The following UBN1 variants were observed in gnomAD, a reference collection of about 807,000 sequenced individuals.
UBN1 encodes the protein ubinuclein-1.
A neutral mutation model predicts 108.5 loss-of-function variants in UBN1; 17 were observed. That is an observed-to-expected ratio of 0.16 (90% confidence interval 0.11 to 0.24). The LOEUF is 0.24. Ranked by LOEUF, UBN1 falls within the 10% of genes least tolerant of loss-of-function variation. The pLI is 1.00. For synonymous variants in UBN1, 726 were observed against 564.2 expected (o/e 1.29, Z -4.07); for missense variants, 1,595 against 1,394.4 (o/e 1.14, Z -2.29).
Position 4,875,308 on chromosome 16 carries a change from G to T in UBN1, c.2898G>T (p.Leu966=). The T allele has an allele frequency of 6.2e-7, 1 of 1,614,218 alleles. No homozygotes were observed. The highest frequency in any genetic ancestry group is 8.5e-7 in the Non-Finnish European group (1 of 1,180,042). The part of the protein sequence containing the change: ...KKMPVSQKLT[L]VAPPGGPNGD... ...TGCCTGTTTCCCAGAAGTTGACTCT[G>T]GTAGCCCCTCCAGGCGGTCCAAACG... Residue 966 remains leucine (L), a synonymous_variant, in exon 15 of 18, where the codon CTG becomes CTT. Transcript: ENST00000262376.
chr16:4,874,112 A>T (rs1459151828), intron 14 of UBN1, 99 bp from the exon 15 acceptor site: 1 of 1,433,034 alleles, frequency 7.0e-7, no homozygotes, highest in African/African-American at 1.4e-5. Context: ...AGGAAGGCCC[A>T]GTTTTTTTGA....
chr16:4,856,005 C>G (rs902375190), intron 2 of UBN1, among the ~76,000 whole-genome samples: 2 of 152,220 alleles, frequency 1.3e-5, no homozygotes, highest in Non-Finnish European at 2.9e-5. Context: ...GCCTGTGAGT[C>G]TGTACCAAGG....
intron 7 of UBN1, among the ~76,000 whole-genome samples, chr16:4,867,665 C>A (rs751051774): frequency 5.3e-5 from 8 of 151,984 alleles, no homozygotes; most frequent in Non-Finnish European, 1.0e-4. Flanking sequence ...TAGTGAGAAT[C>A]CTGGGGTCCG....
chr16:4,874,112 A>C (rs1459151828), intron 14 of UBN1, 99 bp from the exon 15 acceptor site: 7 of 1,433,034 alleles, frequency 4.9e-6, no homozygotes, highest in Non-Finnish European at 5.6e-6. Flanking sequence ...AGGAAGGCCC[A>C]GTTTTTTTGA....
intron 7 of UBN1, among the ~76,000 whole-genome samples, chr16:4,866,034 G>C (rs927330542): frequency 1.3e-5 from 2 of 152,148 alleles, no homozygotes; most frequent in South Asian, 2.1e-4. Context: ...CTGTAGATGG[G>C]TCTGAAAGTG....
intron 12 of UBN1, chr16:4,872,450 GT>G (rs1596519393): frequency 4.4e-5 from 14 of 314,742 alleles, no homozygotes; most frequent in East Asian, 3.7e-4. Context: ...CTTTTTTTTT[GT>G]GTGTGTGGGG....
rs532362032 is a variant in UBN1, at chr16:4,859,392, G to A, written c.567+233G>A. Among the ~76,000 whole-genome samples, 12 of 152,332 alleles carry A rather than the reference G, an allele frequency of 7.9e-5. No individual in the cohort carries two copies. The South Asian group carries it at 2.5e-3, about 32-fold the overall frequency. On this transcript the variant is annotated intron_variant, in intron 5 of 17. Transcript: ENST00000262376. ...TATGTCCATGTCACATGACATCCCAGCAGGCTCAGCAGGGGTCGTTTCTGG... is the reference window on the plus strand; with the variant it reads ...TATGTCCATGTCACATGACATCCCAACAGGCTCAGCAGGGGTCGTTTCTGG...
At chr16:4,869,187 C>T (rs1567932212) in intron 8 of UBN1, among the ~76,000 whole-genome samples, 1 of 152,188 alleles carries the variant, frequency 6.6e-6, no homozygotes, top group Non-Finnish European at 1.5e-5. Flanking sequence ...AAGAGGATTT[C>T]TTGGCAGGTA....
At chr16:4,864,194 C>G (rs1167752711) in intron 7 of UBN1, among the ~76,000 whole-genome samples, 1 of 143,302 alleles carries the variant, frequency 7.0e-6, no homozygotes, top group Non-Finnish European at 1.5e-5. Context: ...TCAAGTGATT[C>G]TTGTGCCTCA....
intron 2 of UBN1, among the ~76,000 whole-genome samples, chr16:4,855,071 C>T (rs945624018): frequency 3.9e-5 from 6 of 152,114 alleles, no homozygotes; most frequent in Non-Finnish European, 5.9e-5. Flanking sequence ...CTGTGCTAGG[C>T]TCTGAGGAAA....
In UBN1 at chr16:4,875,028, A is replaced by C. The variant is rs888495349; in HGVS notation, c.2618A>C (p.His873Pro). 1 of 1,613,878 alleles carries C rather than the reference A, an allele frequency of 6.2e-7. No individual in the cohort carries two copies. Among genetic ancestry groups the C allele is most frequent in the African/African-American group, 1.3e-5 (1 of 74,924 alleles). ...GGLSASSSSS[H>P]KTPASSSSAL... is the part of the protein sequence containing the mutation. ...CTGTCAGCCTCCAGCAGCAGCTCTCACAAGACCCCAGCCTCGTCCTCTTCT... is the reference window on the plus strand; with the variant it reads ...CTGTCAGCCTCCAGCAGCAGCTCTCCCAAGACCCCAGCCTCGTCCTCTTCT... The change falls in exon 15 of 18, where the codon CAC (histidine) becomes CCC (proline). Residue 873 changes from histidine to proline, a missense_variant. This residue lies in a region of UBN1 where 1,398 missense variants were observed against 1,194.7 expected (regional missense o/e 1.17). Transcript: ENST00000262376.
chr16:4,858,974 T>G, intron 4 of UBN1, 51 bp from the exon 5 acceptor site: 1 of 1,600,362 alleles, frequency 6.2e-7, no homozygotes, highest in East Asian at 2.2e-5. Flanking sequence ...CTTTGCACCT[T>G]CGGACTGCAG....
In UBN1 at chr16:4,852,869, A is replaced by C; in HGVS notation, c.-39-10A>C. On this transcript the variant is annotated splice_polypyrimidine_tract_variant and intron_variant, in intron 1 of 17. Transcript: ENST00000262376. ...TCGTTTGACCTGGCCCTTCTTTTCAATGTTAACAGAAGCCATGCAGTGACA... is the reference window on the plus strand; with the variant it reads ...TCGTTTGACCTGGCCCTTCTTTTCACTGTTAACAGAAGCCATGCAGTGACA... 1 of 1,561,702 alleles carries C rather than the reference A, an allele frequency of 6.4e-7. No homozygotes were observed. The highest frequency in any genetic ancestry group is 1.2e-5 in the South Asian group (1 of 84,068).
At chr16:4,855,633 G>A (rs900364751) in intron 2 of UBN1, among the ~76,000 whole-genome samples, 8 of 147,650 alleles carry the variant, frequency 5.4e-5, no homozygotes, top group Admixed American at 4.8e-4. Context: ...AAAAAAGGCT[G>A]GAAGGCCTGG....
chr16:4,856,394 G>T (rs549297245), intron 2 of UBN1, among the ~76,000 whole-genome samples: 61 of 152,324 alleles, frequency 4.0e-4, no homozygotes, highest in African/African-American at 1.2e-3. Flanking sequence ...TTGTGCAGCA[G>T]TTCTTTTAGT....
intron 8 of UBN1, among the ~76,000 whole-genome samples, chr16:4,869,763 T>C (rs2087523258): frequency 6.6e-6 from 1 of 152,142 alleles, no homozygotes; most frequent in Admixed American, 6.5e-5. Context: ...ATTTTTTTGC[T>C]TATCTAGATG....
chr16:4,851,988 A>G (rs962397840), intron 1 of UBN1, among the ~76,000 whole-genome samples: 6 of 152,250 alleles, frequency 3.9e-5, no homozygotes, highest in African/African-American at 1.4e-4. Context: ...TTACAAGTCA[A>G]TAAGAAAGTC....
At chr16:4,868,764 C>T in intron 7 of UBN1, 69 bp from the exon 8 acceptor site, 1 of 1,503,172 alleles carries the variant, frequency 6.7e-7, no homozygotes, top group Non-Finnish European at 9.2e-7. Context: ...GACTCCTGTG[C>T]CTGTGGGTGA....
chr16:4,864,477 A>G (rs1387314654), intron 7 of UBN1, among the ~76,000 whole-genome samples: 1 of 152,158 alleles, frequency 6.6e-6, no homozygotes, highest in Non-Finnish European at 1.5e-5. Context: ...TTCTCACATC[A>G]GCCTGTTTTT....
Sources: allele counts gnomAD v4.1 joint callset (sites outside exome capture counted in the v4.1 genomes callset), GRCh38; gene constraint gnomAD v4.1.1; regional missense constraint gnomAD v4.1.1; transcripts MANE v1.5; gene names NCBI Gene and HGNC (gene_info 2026-07-23, HGNC 2026-07-21).